LRFN2: variants seen among roughly 807,000 people sequenced by gnomAD.
LRFN2 encodes leucine rich repeat and fibronectin type III domain containing 2, also known as leucine-rich repeat and fibronectin type-III domain-containing protein 2.
In LRFN2, 18 loss-of-function variants were observed where a neutral mutation model predicts 37.3. The ratio of observed to expected loss-of-function variants is 0.48; its 90% CI spans 0.33 to 0.72. LRFN2 has a LOEUF of 0.72. Ranked by LOEUF, LRFN2 falls within the 30% of genes least tolerant of loss-of-function variation. The probability of loss-of-function intolerance (pLI) is 0.02; values close to 1 mark genes in which losing one functional copy is unlikely to be tolerated. For missense variants in LRFN2, 1,006 were observed against 1,060.7 expected (o/e 0.95, Z 0.72); for synonymous variants, 556 against 466.6 (o/e 1.19, Z -2.47).
chr6:40,526,036 G>A (rs1766245884), intron 1 of LRFN2, among the ~76,000 whole-genome samples: 2 of 152,202 alleles, frequency 1.3e-5, no homozygotes, highest in Non-Finnish European at 2.9e-5. Flanking sequence ...GATTTTCCTG[G>A]TTTAATAGCA....
intron 2 of LRFN2, among the ~76,000 whole-genome samples, chr6:40,426,500 A>G (rs768133500): frequency 3.9e-5 from 6 of 152,242 alleles, no homozygotes; most frequent in African/African-American, 7.2e-5. Flanking sequence ...ATGCATGAAT[A>G]TCACATGCTA....
At chr6:40,475,124 C>CT (rs1764681605) in intron 1 of LRFN2, among the ~76,000 whole-genome samples, 1 of 152,188 alleles carries the variant, frequency 6.6e-6, no homozygotes, top group Admixed American at 6.5e-5. Flanking sequence ...CCCAAAGTCT[C>CT]TGAGATGGGG....
At chr6:40,455,394 TG>T (rs1313583532) in intron 1 of LRFN2, among the ~76,000 whole-genome samples, 3 of 152,228 alleles carry the variant, frequency 2.0e-5, no homozygotes, top group African/African-American at 7.2e-5. Context: ...GGATTCCATG[TG>T]GGGTCTGGCA....
intron 1 of LRFN2, among the ~76,000 whole-genome samples, chr6:40,502,698 C>T (rs1001234181): frequency 6.6e-6 from 1 of 152,232 alleles, no homozygotes; most frequent in African/African-American, 2.4e-5. Flanking sequence ...TGACTAGAAC[C>T]TAAGTCCTCA....
At chr6:40,498,137 C>A (rs570869566) in intron 1 of LRFN2, among the ~76,000 whole-genome samples, 25 of 152,068 alleles carry the variant, frequency 1.6e-4, no homozygotes, top group African/African-American at 6.0e-4. Context: ...CCGTGTCCAC[C>A]GAAAGGCTCT....
At chr6:40,479,952 A>G (rs1183590709) in intron 1 of LRFN2, among the ~76,000 whole-genome samples, 2 of 152,230 alleles carry the variant, frequency 1.3e-5, no homozygotes, top group African/African-American at 4.8e-5. Context: ...CTTCTAGGAA[A>G]ATGTCAAGGA....
chr6:40,512,389 T>C (rs2113888361), intron 1 of LRFN2, among the ~76,000 whole-genome samples: 1 of 152,314 alleles, frequency 6.6e-6, no homozygotes, highest in African/African-American at 2.4e-5. Context: ...AAAGTTTAAT[T>C]AGCAGCGATA....
At chr6:40,401,419 C>T (rs1050548636) in intron 2 of LRFN2, among the ~76,000 whole-genome samples, 16 of 152,094 alleles carry the variant, frequency 1.1e-4, no homozygotes, top group African/African-American at 1.9e-4. Context: ...GACCCTTGGG[C>T]AGGATGACAA....
intron 1 of LRFN2, among the ~76,000 whole-genome samples, chr6:40,489,699 C>T (rs377532731): frequency 7.9e-5 from 12 of 152,068 alleles, no homozygotes; most frequent in Non-Finnish European, 1.6e-4. Context: ...CCTTACCCAC[C>T]CTTCTCACCT....
intron 2 of LRFN2, among the ~76,000 whole-genome samples, chr6:40,393,298 T>C (rs1000717435): frequency 5.3e-5 from 8 of 151,340 alleles, no homozygotes; most frequent in African/African-American, 1.7e-4. Flanking sequence ...GGGAGAGGTA[T>C]AGACCGAGGA....
At chr6:40,490,581 A>G (rs1765067434) in intron 1 of LRFN2, among the ~76,000 whole-genome samples, 1 of 152,026 alleles carries the variant, frequency 6.6e-6, no homozygotes. Flanking sequence ...CCCTGCCGAC[A>G]CTCTCAGAGC....
chr6:40,397,052 A>T (rs1289201354), intron 2 of LRFN2, among the ~76,000 whole-genome samples: 1 of 152,184 alleles, frequency 6.6e-6, no homozygotes, highest in Non-Finnish European at 1.5e-5. Context: ...CACAGCCCAC[A>T]CTTCTTAAAA....
At position 40,431,702 on chromosome 6, in the gene LRFN2, C is replaced by T. The variant is rs770779261; in HGVS notation, c.1400+12G>A. 2 of 1,505,370 alleles carry T rather than the reference C, an allele frequency of 1.3e-6. No homozygotes were observed. The highest frequency in any genetic ancestry group is 2.7e-5 in the South Asian group (2 of 73,258). The allele number at this position is 1,505,370 out of a possible 1,614,324, so 93.3% of individuals were successfully genotyped here. A position where few individuals can be genotyped will look rare whatever the true frequency, so the allele number is the denominator to read the frequency against. Reference sequence around the variant, plus strand: ...GACACCCTCCCTGCCTTTGCCACAGCCGCTTGCTCACCTGTAAATCAGTAC... The same window carrying T: ...GACACCCTCCCTGCCTTTGCCACAGTCGCTTGCTCACCTGTAAATCAGTAC... On this transcript the variant is annotated intron_variant, in intron 2 of 2. Coordinates refer to ENST00000338305, the MANE Select transcript of LRFN2 (RefSeq NM_020737.3).
In LRFN2 at chr6:40,474,687, A is replaced by T. The variant is rs202098211; in HGVS notation, c.-18-41556T>A. On this transcript the variant is annotated intron_variant, in intron 1 of 2. Coordinates refer to ENST00000338305, the MANE Select transcript of LRFN2 (RefSeq NM_020737.3). ...GTATTTTTAGTAGAGATGGGGTTTCATCATGTTGGCCAGGCTGGTCTTGAA... is the reference window on the plus strand; with the variant it reads ...GTATTTTTAGTAGAGATGGGGTTTCTTCATGTTGGCCAGGCTGGTCTTGAA... 2.0e-5 allele frequency among the ~76,000 whole-genome samples: 3 copies of T among 152,106 alleles called. No homozygotes were observed. The East Asian group carries it at 5.8e-4, about 30-fold the overall frequency.
chr6:40,441,128 G>A (rs1763825226), intron 1 of LRFN2, among the ~76,000 whole-genome samples: 1 of 152,202 alleles, frequency 6.6e-6, no homozygotes, highest in Non-Finnish European at 1.5e-5. Context: ...ACGTGCCAAT[G>A]ACTGGTAGTA....
Position 40,392,277 on chromosome 6 carries a change from G to A in LRFN2, c.2036C>T (p.Pro679Leu). ...RKEELLDSRT[P>L]AGRGAGTSAR... is the part of the protein sequence containing the mutation. Reference sequence around the variant, plus strand: ...CGACGTCCCAGCCCCTCTCCCGGCTGGAGTCCTGGAGTCCAGCAGCTCCTC... The same window carrying A: ...CGACGTCCCAGCCCCTCTCCCGGCTAGAGTCCTGGAGTCCAGCAGCTCCTC... The change falls in exon 3 of 3, where the codon CCA (proline) becomes CTA (leucine). Residue 679 changes from proline to leucine, a missense_variant. Physicochemically the swap from Pro to Leu is moderately conservative, Grantham distance 98 (BLOSUM62 -3). Transcript: ENST00000338305. The surrounding 1 kb of genome is among the most constrained non-coding windows in gnomAD (Gnocchi z 4.7). 6.2e-7 allele frequency: 1 copy of A among 1,602,448 alleles called. No homozygotes were observed. Among genetic ancestry groups the A allele is most frequent in the South Asian group, 1.1e-5 (1 of 88,866 alleles).
chr6:40,410,866 C>T (rs1762951443), intron 2 of LRFN2, among the ~76,000 whole-genome samples: 1 of 152,154 alleles, frequency 6.6e-6, no homozygotes, highest in Non-Finnish European at 1.5e-5. Context: ...CTGGCCTAGC[C>T]TAGAGGTGCA....
chr6:40,453,533 C>A (rs1764165170), intron 1 of LRFN2, among the ~76,000 whole-genome samples: 1 of 149,598 alleles, frequency 6.7e-6, no homozygotes, highest in South Asian at 2.2e-4. Context: ...CACACACACA[C>A]ACACACACAC....
At chr6:40,438,502 A>G (rs1209032925) in intron 1 of LRFN2, among the ~76,000 whole-genome samples, 2 of 152,276 alleles carry the variant, frequency 1.3e-5, no homozygotes, top group East Asian at 3.9e-4. Context: ...GTGAGGTTAA[A>G]AGAGGTTTGA....
Sources: gnomAD v4.1 joint callset for allele counts (sites outside exome capture counted in the v4.1 genomes callset) on GRCh38, gnomAD v4.1.1 for gene constraint, Gnocchi (gnomAD v3.1) non-coding constraint, MANE v1.5 for transcripts, NCBI Gene and HGNC (gene_info 2026-07-23, HGNC 2026-07-21) for gene names.